The following VMP1 variants were observed in gnomAD, a reference collection of about 807,000 sequenced individuals.
The protein encoded by VMP1 is vacuole membrane protein 1.
A neutral mutation model predicts 56.0 loss-of-function variants in VMP1; 11 were observed. The observed-to-expected ratio is 0.20, with a 90% CI of 0.12 to 0.32. The LOEUF (loss-of-function observed/expected upper bound fraction) is 0.32. Among genes scored for constraint, VMP1 ranks in the 10% least tolerant of loss-of-function variants. VMP1 has a pLI of 1.00. For missense variants in VMP1, 296 were observed against 490.3 expected, an observed-to-expected ratio of 0.60 and a Z score of 3.74; for synonymous variants, 149 against 165.0, an observed-to-expected ratio of 0.90 and a Z score of 0.74.
rs1040033633 is a variant in VMP1 at position 59,791,470 on chromosome 17, C to T, written c.715-17326C>T. ...CCTCCCAAAGTGCTGGGATTATAGG[C>T]GTGAGCCACCGTGCCCGGCTCTTTT... On this transcript the variant is annotated intron_variant, in intron 7 of 11. Transcript: ENST00000262291. 3.3e-5 allele frequency among the ~76,000 whole-genome samples: 5 copies of T among 149,384 alleles called. No individual in the cohort carries two copies. In the South Asian group the frequency reaches 6.3e-4, roughly 19 times the overall value.
chr17:59,720,469 A>G (rs1026874274), intron 1 of VMP1, among the ~76,000 whole-genome samples: 5 of 152,198 alleles, frequency 3.3e-5, no homozygotes, highest in African/African-American at 1.2e-4. Context: ...AACCAGTTAC[A>G]TAGGCTTTTG....
intron 9 of VMP1, among the ~76,000 whole-genome samples, chr17:59,815,707 A>G (rs923302277): frequency 3.7e-4 from 56 of 151,900 alleles, no homozygotes; most frequent in Non-Finnish European, 1.0e-4. Context: ...ATACAAAAAA[A>G]TTAGCTGGGC....
At chr17:59,819,298 TTTTA>T (rs1401945433) in intron 10 of VMP1, among the ~76,000 whole-genome samples, 1 of 152,098 alleles carries the variant, frequency 6.6e-6, no homozygotes, top group Non-Finnish European at 1.5e-5. Context: ...GTCCCTTATT[TTTTA>T]TTTATTTATT....
At chr17:59,810,062 A>G (rs191858697) in intron 8 of VMP1, among the ~76,000 whole-genome samples, 59 of 152,346 alleles carry the variant, frequency 3.9e-4, no homozygotes, top group South Asian at 1.7e-3. Flanking sequence ...AGTTTCAAGT[A>G]TTAGTTACAA....
At chr17:59,714,499 A>C (rs1462250671) in intron 1 of VMP1, among the ~76,000 whole-genome samples, 1 of 152,190 alleles carries the variant, frequency 6.6e-6, no homozygotes, top group South Asian at 2.1e-4. Context: ...GGAGTGTTTG[A>C]AAGAAGAAAG....
intron 6 of VMP1, among the ~76,000 whole-genome samples, chr17:59,769,227 TCA>T (rs1169846610): frequency 6.7e-6 from 1 of 150,088 alleles, no homozygotes; most frequent in Non-Finnish European, 1.5e-5. Context: ...ACAATCTCAC[TCA>T]CTGCAACCTC....
intron 1 of VMP1, among the ~76,000 whole-genome samples, chr17:59,720,798 ACT>A (rs2034361556): frequency 1.3e-5 from 2 of 151,278 alleles, no homozygotes; most frequent in South Asian, 4.2e-4. Flanking sequence ...ACGTGGTGAA[ACT>A]CCGTCTCTAC....
At chr17:59,819,612 C>A (rs1222062849) in intron 10 of VMP1, among the ~76,000 whole-genome samples, 2 of 152,144 alleles carry the variant, frequency 1.3e-5, no homozygotes, top group African/African-American at 4.8e-5. Flanking sequence ...CGCCACCACA[C>A]CCAGCTAATT....
intron 8 of VMP1, 140 bp downstream of exon 8, chr17:59,809,016 T>TA (rs2037947005): frequency 1.5e-6 from 1 of 652,124 alleles, no homozygotes; most frequent in Non-Finnish European, 2.5e-6. Flanking sequence ...TTTTTTTTTT[T>TA]AAGACGGAGT....
intron 1 of VMP1, among the ~76,000 whole-genome samples, chr17:59,709,276 A>G (rs953882309): frequency 6.6e-6 from 1 of 152,216 alleles, no homozygotes; most frequent in Non-Finnish European, 1.5e-5. Context: ...TTTATGTTCA[A>G]TTGAAGGACT....
At chr17:59,818,596 T>G (rs888502989) in intron 10 of VMP1, among the ~76,000 whole-genome samples, 1 of 151,244 alleles carries the variant, frequency 6.6e-6, no homozygotes, top group African/African-American at 2.4e-5. Flanking sequence ...CATGGAGAAA[T>G]CCCATCTCTA....
chr17:59,805,879 A>G (rs2037826191), intron 7 of VMP1, among the ~76,000 whole-genome samples: 2 of 152,090 alleles, frequency 1.3e-5, no homozygotes, highest in Non-Finnish European at 2.9e-5. Context: ...TAAAATTTGT[A>G]TGCTTTTTTT....
rs540880377 is a variant in VMP1, at chr17:59,784,554, A to C, written c.714+10669A>C. Among the ~76,000 whole-genome samples the C allele has an allele frequency of 2.0e-5, 3 of 152,300 alleles. No individual in the cohort carries two copies. The East Asian group carries it at 5.8e-4, about 29-fold the overall frequency. On this transcript the variant is annotated intron_variant, in intron 7 of 11. Transcript: ENST00000262291. The stretch of plus-strand genomic sequence containing the variant: ...ACTTTTCTTATCTCTCCAGGAGTCT[A>C]AACTCCTTAAGAAGGGGGCTTAAAA...
intron 5 of VMP1, among the ~76,000 whole-genome samples, chr17:59,741,895 C>A (rs1239402438): frequency 3.3e-5 from 5 of 152,146 alleles, no homozygotes; most frequent in Admixed American, 3.3e-4. Flanking sequence ...ATCCTTTGAT[C>A]TACATCTCCT....
chr17:59,818,636 G>A (rs1182411284), intron 10 of VMP1, among the ~76,000 whole-genome samples: 9 of 152,024 alleles, frequency 5.9e-5, no homozygotes, highest in African/African-American at 1.7e-4. Flanking sequence ...CGGGCGTGGT[G>A]GCACATGCCT....
Position 59,744,384 on chromosome 17 carries a change from C to A in VMP1, c.414+5437C>A, listed in dbSNP as rs182668141. Among the ~76,000 whole-genome samples, 61 of 149,884 alleles carry A rather than the reference C, an allele frequency of 4.1e-4. 1 individual carries two copies. In the East Asian group the frequency reaches 0.011, roughly 26 times the overall value. The stretch of plus-strand genomic sequence containing the variant: ...GGCTGAGGCAGGAGAATCAGTTGAA[C>A]CCAGGAGGTGGAGGTTGCAGTGAGC... On this transcript the variant is annotated intron_variant, in intron 5 of 11. Transcript: ENST00000262291.
intron 1 of VMP1, chr17:59,708,091 G>A (rs1379638581): frequency 1.3e-5 from 2 of 152,244 alleles, no homozygotes; most frequent in African/African-American, 2.4e-5. Flanking sequence ...AGTGGAGAAG[G>A]TCTTCCCTGC....
chr17:59,719,258 G>A (rs1204455745), intron 1 of VMP1, among the ~76,000 whole-genome samples: 1 of 152,068 alleles, frequency 6.6e-6, no homozygotes, highest in Non-Finnish European at 1.5e-5. Context: ...GTTCCAGCCT[G>A]TGGTGACCTG....
At chr17:59,739,296 T>C (rs1019785841) in intron 5 of VMP1, among the ~76,000 whole-genome samples, 13 of 152,268 alleles carry the variant, frequency 8.5e-5, no homozygotes, top group African/African-American at 2.7e-4. Flanking sequence ...ATGTGAGAAA[T>C]GTCTTCCCTT....
Sources: allele counts gnomAD v4.1 joint callset (sites outside exome capture counted in the v4.1 genomes callset), GRCh38; gene constraint gnomAD v4.1.1; transcripts MANE v1.5; gene names NCBI Gene and HGNC (gene_info 2026-07-23, HGNC 2026-07-21).